The following ZRANB1 variants were observed in gnomAD, a reference collection of about 807,000 sequenced individuals.
The protein encoded by ZRANB1 is zinc finger RANBP2-type containing 1, also known as ubiquitin thioesterase ZRANB1.
A neutral mutation model predicts 80.5 loss-of-function variants in ZRANB1; 16 were observed. The ratio of observed to expected loss-of-function variants is 0.20; its 90% CI spans 0.13 to 0.30. The LOEUF (loss-of-function observed/expected upper bound fraction) is 0.30, where lower values mean the gene tolerates loss of function less well. Ranked by LOEUF, ZRANB1 falls within the 10% of genes least tolerant of loss-of-function variation. ZRANB1 has a pLI of 1.00. For missense variants in ZRANB1, 576 were observed against 862.6 expected (o/e 0.67, Z 4.16); for synonymous variants, 291 against 293.1 (o/e 0.99, Z 0.07).
intron 5 of ZRANB1, chr10:124,981,285 A>C (rs1951930196): frequency 6.5e-6 from 1 of 152,962 alleles, no homozygotes; most frequent in African/African-American, 2.4e-5. Flanking sequence ...TGATACTATG[A>C]ACACACGGAA....
chr10:124,960,999 GTTTTTTGTTTTT>G (rs1474240421), intron 1 of ZRANB1, among the ~76,000 whole-genome samples: 2 of 150,274 alleles, frequency 1.3e-5, no homozygotes, highest in Non-Finnish European at 3.0e-5. Flanking sequence ...TTTTTGTTTT[GTTTTTTGTTTTT>G]TTTTTTTAGA....
intron 2 of ZRANB1, among the ~76,000 whole-genome samples, chr10:124,968,803 GAC>G (rs1951797266): frequency 6.6e-6 from 1 of 152,194 alleles, no homozygotes; most frequent in African/African-American, 2.4e-5. Context: ...GAGCTCCTGA[GAC>G]AGTCTGAGGA....
the ZRANB1 span, among the ~76,000 whole-genome samples, chr10:124,917,961 T>G: frequency 6.6e-6 from 1 of 152,156 alleles, no homozygotes; most frequent in East Asian, 1.9e-4. Context: ...GCAGTTTAGG[T>G]TAAGCCTGGA....
At chr10:124,962,279 T>C (rs531384374) in intron 1 of ZRANB1, 1 of 520,898 alleles carries the variant, frequency 1.9e-6, no homozygotes, top group South Asian at 8.3e-5. Context: ...CTAACTTTTC[T>C]CTTTAAGGGT....
At chr10:124,951,344 A>G (rs923913698) in intron 1 of ZRANB1, among the ~76,000 whole-genome samples, 8 of 152,214 alleles carry the variant, frequency 5.3e-5, no homozygotes, top group Non-Finnish European at 1.2e-4. Context: ...GTGAAGGAAA[A>G]GTCATTTAGT....
the ZRANB1 span, among the ~76,000 whole-genome samples, chr10:124,930,888 G>A: frequency 3.3e-5 from 5 of 151,904 alleles, no homozygotes; most frequent in African/African-American, 1.2e-4. Flanking sequence ...AAAATAGCTC[G>A]GTGTAATGGT....
rs967108961 is a variant in ZRANB1 at position 124,987,790 on chromosome 10, G to A, written c.*2798G>A. The A allele has an allele frequency of 6.6e-5, 10 of 152,140 alleles. No individual in the cohort carries two copies. The highest frequency in any genetic ancestry group is 2.2e-4 in the African/African-American group (9 of 41,414). The allele number at this position is 152,140 out of a possible 1,614,324, so 9.4% of individuals were successfully genotyped here. ...GTTTTAATTGGGAAGGGAAGTATAA[G>A]GAAGAGCTCAGAGGGAGTTTCATAC... On this transcript the variant is annotated 3_prime_UTR_variant, in exon 9 of 9. Coordinates refer to ENST00000359653, the MANE Select transcript of ZRANB1 (RefSeq NM_017580.3).
chr10:124,963,930 T>C (rs1312836193), intron 1 of ZRANB1, among the ~76,000 whole-genome samples: 2 of 152,244 alleles, frequency 1.3e-5, no homozygotes, highest in African/African-American at 2.4e-5. Context: ...TTTTTACCTA[T>C]ATTTAAGTGA....
intron 1 of ZRANB1, among the ~76,000 whole-genome samples, chr10:124,956,872 T>C (rs928742826): frequency 1.3e-5 from 2 of 152,224 alleles, no homozygotes; most frequent in Non-Finnish European, 2.9e-5. Flanking sequence ...TTCCAGTTCT[T>C]TGCTGTATTT....
intron 1 of ZRANB1, among the ~76,000 whole-genome samples, chr10:124,964,913 G>T (rs901145845): frequency 3.3e-5 from 5 of 152,192 alleles, no homozygotes; most frequent in Non-Finnish European, 7.3e-5. Flanking sequence ...TATCTTAAAA[G>T]TTATGGGCCC....
At position 124,961,942 on chromosome 10, in the gene ZRANB1, T is replaced by TAGCA. The variant is rs1221574801; in HGVS notation, c.815-4651_815-4650insGCAA. On this transcript the variant is annotated intron_variant, in intron 1 of 8. Transcript: ENST00000359653. ...CTTGTTGCTATTATTATGTGGAAAA[T>TAGCA]ACAACCAGGAGGTGTTTTGGCCTGC... Among the ~76,000 whole-genome samples, 11 of 152,346 alleles carry TAGCA rather than the reference T, an allele frequency of 7.2e-5. No individual in the cohort carries two copies. The East Asian group carries it at 1.7e-3, about 24-fold the overall frequency.
upstream of ZRANB1, among the ~76,000 whole-genome samples, chr10:124,941,200 A>T (rs1951533861): frequency 1.6e-4 from 1 of 6,302 alleles, no homozygotes; most frequent in South Asian, 0.011. Context: ...CAAGCCATTA[A>T]AAAAAAAAAA....
At chr10:124,920,367 A>G in the ZRANB1 span, among the ~76,000 whole-genome samples, 347 of 152,276 alleles carry the variant, frequency 2.3e-3, no homozygotes, top group Non-Finnish European at 4.1e-3. Flanking sequence ...CTTATGCCTT[A>G]TGCCTTGCAC....
chr10:124,948,698 C>T (rs888153094), intron 1 of ZRANB1, among the ~76,000 whole-genome samples: 5 of 152,044 alleles, frequency 3.3e-5, no homozygotes, highest in Admixed American at 1.3e-4. Flanking sequence ...TTCTTCATAA[C>T]ACTTCTAATA....
intron 3 of ZRANB1, among the ~76,000 whole-genome samples, chr10:124,972,377 C>A (rs1951834851): frequency 6.6e-6 from 1 of 152,130 alleles, no homozygotes. Context: ...TTTTAAAAAT[C>A]TGTTGTACTC....
Position 124,986,387 on chromosome 10 carries a change from TTTG to T in ZRANB1, c.*1398_*1400del, listed in dbSNP as rs1952044721. The T allele has an allele frequency of 6.6e-6, 1 of 152,472 alleles. No homozygotes were observed. Among genetic ancestry groups the T allele is most frequent in the Non-Finnish European group, 1.5e-5 (1 of 68,018 alleles). 9.4% of individuals were successfully genotyped at this position (152,472 alleles called of 1,614,324 possible). On this transcript the variant is annotated 3_prime_UTR_variant, in exon 9 of 9. Coordinates refer to ENST00000359653, the MANE Select transcript of ZRANB1 (RefSeq NM_017580.3). ...CTTAAAGTATTTGCTTGCTTCTTGT[TTTG>T]TTTAGTTGATAATGAAATGTGTACA...
chr10:124,986,808 G>GCCCT lies in ZRANB1; in HGVS notation c.*1820_*1823dup, dbSNP rs1317914121. On this transcript the variant is annotated 3_prime_UTR_variant, in exon 9 of 9. Transcript: ENST00000359653. Reference sequence around the variant, plus strand: ...TCTAGTTGCCTGTTAAGCAAAATCTGCCCTCCCAATTGAAAAAGCCAAAGA... The same window carrying GCCCT: ...TCTAGTTGCCTGTTAAGCAAAATCTGCCCTCCCTCCCAATTGAAAAAGCCAAAGA... 6.6e-6 allele frequency: 1 copy of GCCCT among 152,144 alleles called. No individual in the cohort carries two copies. The highest frequency in any genetic ancestry group is 1.5e-5 in the Non-Finnish European group (1 of 68,030). The allele number at this position is 152,144 out of a possible 1,614,324, so 9.4% of individuals were successfully genotyped here. A position where few individuals can be genotyped will look rare whatever the true frequency, so the allele number is the denominator to read the frequency against.
At chr10:124,948,071 C>T (rs74160981) in intron 1 of ZRANB1, among the ~76,000 whole-genome samples, 5,651 of 152,138 alleles carry the variant, frequency 0.037, 325 homozygotes, top group African/African-American at 0.13. Context: ...TCCACTTATA[C>T]GTGAGTTTTC....
chr10:124,965,329 G>A (rs922597557), intron 1 of ZRANB1, among the ~76,000 whole-genome samples: 4 of 152,196 alleles, frequency 2.6e-5, no homozygotes, highest in Non-Finnish European at 5.9e-5. Context: ...TGTGTTCGGG[G>A]CAGGGGGTCA....
Sources: allele counts gnomAD v4.1 joint callset (sites outside exome capture counted in the v4.1 genomes callset), GRCh38; gene constraint gnomAD v4.1.1; transcripts MANE v1.5; gene names NCBI Gene and HGNC (gene_info 2026-07-23, HGNC 2026-07-21).